TBC1D4: variants seen among roughly 807,000 people sequenced by gnomAD.
TBC1D4 encodes TBC1 domain family member 4.
Under a neutral mutation model 142.5 loss-of-function variants are expected in TBC1D4, and 121 were observed. The ratio of observed to expected loss-of-function variants is 0.85; its 90% confidence interval spans 0.73 to 0.99. The LOEUF (loss-of-function observed/expected upper bound fraction) is 0.99. Ranked by LOEUF, TBC1D4 falls within the 50% of genes least tolerant of loss-of-function variation. The pLI, the probability that TBC1D4 is intolerant of heterozygous loss-of-function variation, is 0.00. For missense variants in TBC1D4, 1,475 were observed against 1,606.6 expected (o/e 0.92, Z 1.40); for synonymous variants, 630 against 628.2 (o/e 1.00, Z -0.04).
At chr13:75,372,506 G>C (rs1030979384) in intron 1 of TBC1D4, among the ~76,000 whole-genome samples, 1 of 151,842 alleles carries the variant, frequency 6.6e-6, no homozygotes, top group Non-Finnish European at 1.5e-5. Context: ...CTGACCTCAA[G>C]TGATCTGCCT....
intron 1 of TBC1D4, among the ~76,000 whole-genome samples, chr13:75,367,280 A>G (rs1385906692): frequency 6.6e-6 from 1 of 152,212 alleles, no homozygotes; most frequent in Non-Finnish European, 1.5e-5. Context: ...AATTATGGAT[A>G]TAAGAGAAGA....
rs1429175617 is a variant in TBC1D4 at position 75,356,013 on chromosome 13, G to A, written c.1275+134C>T. The A allele has an allele frequency of 8.3e-6, 6 of 724,454 alleles. No individual in the cohort carries two copies. In the African/African-American group the frequency reaches 1.0e-4, roughly 13 times the overall value. 44.9% of individuals were successfully genotyped at this position (724,454 alleles called of 1,614,324 possible). A position where few individuals can be genotyped will look rare whatever the true frequency, so the allele number is the denominator to read the frequency against. On this transcript the variant is annotated intron_variant, in intron 4 of 20. Transcript: ENST00000377636. ...TCTACTGCTGTGCTGCTTTGAAGGG[G>A]AGGAACATATTTCTAGACGCCTTCT...
chr13:75,401,428 T>C, intron 1 of TBC1D4, among the ~76,000 whole-genome samples: 1 of 152,204 alleles, frequency 6.6e-6, no homozygotes, highest in Non-Finnish European at 1.5e-5. Context: ...CCTTAGTCAA[T>C]GCCTGATACT....
chr13:75,475,226 G>A (rs989254202), intron 1 of TBC1D4, among the ~76,000 whole-genome samples: 3 of 152,140 alleles, frequency 2.0e-5, no homozygotes, highest in African/African-American at 7.2e-5. Flanking sequence ...ATCCCAGTGA[G>A]GTATTCAATT....
At chr13:75,339,225 G>C (rs537084689) in intron 7 of TBC1D4, among the ~76,000 whole-genome samples, 41 of 152,066 alleles carry the variant, frequency 2.7e-4, no homozygotes, top group Non-Finnish European at 5.4e-4. Context: ...ATAAAGATTT[G>C]TGCAATAATT....
chr13:75,350,407 C>G (rs1881501534), intron 4 of TBC1D4, among the ~76,000 whole-genome samples: 3 of 152,090 alleles, frequency 2.0e-5, no homozygotes, highest in African/African-American at 7.2e-5. Context: ...GATCAAACAC[C>G]AAGCAGTCAG....
Position 75,283,649 on chromosome 13 carries a change from C to T in TBC1D4, c.*3143G>A, listed in dbSNP as rs1874463111. On this transcript the variant is annotated 3_prime_UTR_variant, in exon 21 of 21. Coordinates refer to ENST00000377636, the MANE Select transcript of TBC1D4 (RefSeq NM_014832.5). The stretch of plus-strand genomic sequence containing the variant: ...TGGAAAATTTTGTATTTTCTTGTGG[C>T]TCTCTCTCCCTTGCTATCTATGAGG... 6.6e-6 allele frequency among the ~76,000 whole-genome samples: 1 copy of T among 152,086 alleles called. No homozygotes were observed. Among genetic ancestry groups the T allele is most frequent in the Non-Finnish European group, 1.5e-5 (1 of 68,006 alleles).
intron 4 of TBC1D4, 73 bp downstream of exon 4, chr13:75,356,074 G>T (rs770479310): frequency 4.0e-5 from 45 of 1,128,924 alleles, no homozygotes; most frequent in Non-Finnish European, 5.4e-5. Context: ...CAAGGCTTGG[G>T]CTCCTAAGAG....
Position 75,286,780 on chromosome 13 carries a change from G to A in TBC1D4, c.*12C>T, listed in dbSNP as rs1255064455. Reference sequence around the variant, plus strand: ...CTAAGGAGCACTTTCTGCTGAGGCCGTGCCTCTTCAATTATGGCTTATTTC... The same window carrying A: ...CTAAGGAGCACTTTCTGCTGAGGCCATGCCTCTTCAATTATGGCTTATTTC... On this transcript the variant is annotated 3_prime_UTR_variant, in exon 21 of 21. Coordinates refer to ENST00000377636, the MANE Select transcript of TBC1D4 (RefSeq NM_014832.5). 15 of 1,611,568 alleles carry A rather than the reference G, an allele frequency of 9.3e-6. No homozygotes were observed. Among genetic ancestry groups the A allele is most frequent in the Middle Eastern group, 1.7e-4 (1 of 6,050 alleles).
intron 1 of TBC1D4, among the ~76,000 whole-genome samples, chr13:75,423,359 T>C (rs1886245790): frequency 6.6e-6 from 1 of 152,166 alleles, no homozygotes; most frequent in African/African-American, 2.4e-5. Context: ...ATAATGTGTT[T>C]TTCACCCAGT....
At chr13:75,304,712 C>T (rs767324833) in intron 15 of TBC1D4, among the ~76,000 whole-genome samples, 4 of 150,786 alleles carry the variant, frequency 2.7e-5, no homozygotes, top group African/African-American at 4.9e-5. Flanking sequence ...GGCCCTGAGA[C>T]GGGCAGAGGA....
chr13:75,359,524 T>C (rs548756307), intron 3 of TBC1D4, among the ~76,000 whole-genome samples: 190 of 152,216 alleles, frequency 1.2e-3, no homozygotes, highest in African/African-American at 4.3e-3. Context: ...GGTATTACAA[T>C]GAGAAAGAGT....
At chr13:75,466,425 C>T (rs1419109428) in intron 1 of TBC1D4, among the ~76,000 whole-genome samples, 1 of 152,178 alleles carries the variant, frequency 6.6e-6, no homozygotes. Context: ...AAACCCTATG[C>T]ACTATCAGGT....
At chr13:75,386,386 C>CT (rs67450573) in intron 1 of TBC1D4, among the ~76,000 whole-genome samples, 1,607 of 143,382 alleles carry the variant, frequency 0.011, 52 homozygotes, top group African/African-American at 0.041. Flanking sequence ...TTTTCTTTTT[C>CT]TTTTTCTTTT....
intron 1 of TBC1D4, among the ~76,000 whole-genome samples, chr13:75,443,836 T>C (rs997293368): frequency 1.3e-5 from 2 of 152,128 alleles, no homozygotes; most frequent in African/African-American, 4.8e-5. Flanking sequence ...TCCACCTACC[T>C]TGCCAAGCAC....
At chr13:75,369,791 A>G (rs935012747) in intron 1 of TBC1D4, among the ~76,000 whole-genome samples, 11 of 152,252 alleles carry the variant, frequency 7.2e-5, no homozygotes, top group African/African-American at 2.4e-4. Flanking sequence ...ATTTAATAAC[A>G]TTTAAACCAA....
At chr13:75,394,879 A>C (rs1026562387) in intron 1 of TBC1D4, among the ~76,000 whole-genome samples, 3 of 152,242 alleles carry the variant, frequency 2.0e-5, no homozygotes, top group Admixed American at 6.5e-5. Flanking sequence ...TCATTCAACA[A>C]ACATTTATTG....
At chr13:75,410,890 C>T (rs1278496651) in intron 1 of TBC1D4, among the ~76,000 whole-genome samples, 4 of 121,928 alleles carry the variant, frequency 3.3e-5, no homozygotes, top group African/African-American at 6.0e-5. Flanking sequence ...GAGCCGAGAT[C>T]GCGCCACTGC....
At chr13:75,452,941 G>C (rs1419549046) in intron 1 of TBC1D4, among the ~76,000 whole-genome samples, 3 of 152,076 alleles carry the variant, frequency 2.0e-5, no homozygotes, top group African/African-American at 7.2e-5. Context: ...AGGGCCTAGG[G>C]CTCAATAAAT....
Sources: allele counts gnomAD v4.1 joint callset (sites outside exome capture counted in the v4.1 genomes callset), GRCh38; gene constraint gnomAD v4.1.1; transcripts MANE v1.5; gene names NCBI Gene and HGNC (gene_info 2026-07-23, HGNC 2026-07-21).